TMEM132E: variants seen among roughly 807,000 people sequenced by gnomAD.
The protein encoded by TMEM132E is transmembrane protein 132E.
In TMEM132E, 49 loss-of-function variants were observed where a neutral mutation model predicts 78.5. The observed-to-expected ratio is 0.62, with a 90% CI of 0.50 to 0.79. TMEM132E has a LOEUF of 0.79. Among genes scored for constraint, TMEM132E ranks in the 30% least tolerant of loss-of-function variants. The pLI is 0.00. For missense variants in TMEM132E, 1,403 were observed against 1,470.9 expected (o/e 0.95, Z 0.75); for synonymous variants, 715 against 670.6 (o/e 1.07, Z -1.02).
intron 1 of TMEM132E, among the ~76,000 whole-genome samples, chr17:34,591,998 GGT>G (rs1905885985): frequency 1.3e-5 from 2 of 152,174 alleles, no homozygotes; most frequent in Non-Finnish European, 2.9e-5. Flanking sequence ...TCGGTAAACT[GGT>G]GTCTTTCCAT....
intron 1 of TMEM132E, among the ~76,000 whole-genome samples, chr17:34,608,847 G>T (rs749367780): frequency 1.3e-5 from 2 of 152,136 alleles, no homozygotes; most frequent in South Asian, 4.1e-4. Context: ...ATGTCCAGCC[G>T]AATACCCCGT....
At chr17:34,627,394 A>G (rs1907187390) in intron 2 of TMEM132E, among the ~76,000 whole-genome samples, 1 of 151,968 alleles carries the variant, frequency 6.6e-6, no homozygotes, top group African/African-American at 2.4e-5. Context: ...GACATTTTAC[A>G]GACAAGGAGA....
At chr17:34,586,480 G>GAC (rs1905685845) in intron 1 of TMEM132E, among the ~76,000 whole-genome samples, 1 of 151,934 alleles carries the variant, frequency 6.6e-6, no homozygotes, top group African/African-American at 2.4e-5. Flanking sequence ...GTCTCTGGGG[G>GAC]ACAAATGCAC....
intron 1 of TMEM132E, among the ~76,000 whole-genome samples, chr17:34,608,735 A>T (rs73284059): frequency 0.039 from 5,971 of 152,270 alleles, 357 homozygotes; most frequent in African/African-American, 0.13. Context: ...TTCAAACCAC[A>T]TAAGACCTCT....
Position 34,623,370 on chromosome 17 carries a change from G to T in TMEM132E, c.68-2757G>T, listed in dbSNP as rs1431754601. Among the ~76,000 whole-genome samples the T allele has an allele frequency of 2.7e-5, 4 of 150,780 alleles. No individual in the cohort carries two copies. In the South Asian group the frequency reaches 8.4e-4, roughly 32 times the overall value. On this transcript the variant is annotated intron_variant, in intron 1 of 8. Transcript: ENST00000631683. ...CTTAGCAGCTCTGGGGTCTCCAGGG[G>T]ATGGATAACTAAGGCAGGGCTAGTA...
At chr17:34,607,299 G>A (rs550811666) in intron 1 of TMEM132E, among the ~76,000 whole-genome samples, 1 of 152,208 alleles carries the variant, frequency 6.6e-6, no homozygotes, top group Admixed American at 6.5e-5. Context: ...CAGACCACAG[G>A]GGAGACAGAC....
At chr17:34,592,250 G>T (rs79126498) in intron 1 of TMEM132E, among the ~76,000 whole-genome samples, 2,355 of 152,242 alleles carry the variant, frequency 0.015, 39 homozygotes, top group Middle Eastern at 0.061. Context: ...CACAGGCATT[G>T]CCCCATGTTC....
At chr17:34,585,888 A>G (rs1905655782) in intron 1 of TMEM132E, among the ~76,000 whole-genome samples, 1 of 152,214 alleles carries the variant, frequency 6.6e-6, no homozygotes, top group Admixed American at 6.5e-5. Flanking sequence ...CTTGAAATTC[A>G]AAGCAGTTTG....
At chr17:34,586,112 G>A (rs766566070) in intron 1 of TMEM132E, among the ~76,000 whole-genome samples, 11 of 151,834 alleles carry the variant, frequency 7.2e-5, no homozygotes, top group African/African-American at 2.7e-4. Flanking sequence ...TTCTCTGTCA[G>A]AGCACACGCC....
Position 34,580,973 on chromosome 17 carries a change from C to G in TMEM132E, c.-104C>G. On this transcript the variant is annotated 5_prime_UTR_variant, in exon 1 of 9. Coordinates refer to ENST00000631683, the MANE Select transcript of TMEM132E (RefSeq NM_001304438.2). ...GGTCCCGGAGCTGCATCTGAGACAG[C>G]CGGGCGCCACGGCAGCCCTGAGTTG... 5.5e-6 allele frequency: 5 copies of G among 900,918 alleles called. No individual in the cohort carries two copies. Among genetic ancestry groups the G allele is most frequent in the Non-Finnish European group, 8.0e-6 (5 of 621,364 alleles). 55.8% of individuals were successfully genotyped at this position (900,918 alleles called of 1,614,324 possible). A position where few individuals can be genotyped will look rare whatever the true frequency, so the allele number is the denominator to read the frequency against.
intron 3 of TMEM132E, 95 bp from the exon 4 acceptor site, chr17:34,628,917 C>T (rs1204080470): frequency 2.2e-5 from 31 of 1,441,632 alleles, no homozygotes; most frequent in East Asian, 4.7e-5. Flanking sequence ...AGGCAGCTGC[C>T]GGGGAGGGGT....
At chr17:34,581,799 C>G (rs1299712194) in intron 1 of TMEM132E, among the ~76,000 whole-genome samples, 1 of 150,700 alleles carries the variant, frequency 6.6e-6, no homozygotes, top group African/African-American at 2.4e-5. Context: ...GCTCCGCGCT[C>G]TCGCATTCTG....
rs1434741448 is a variant in TMEM132E, at chr17:34,627,010, C to A, written c.951C>A (p.Pro317=). The A allele has an allele frequency of 6.2e-7, 1 of 1,613,810 alleles. No individual in the cohort carries two copies. Among genetic ancestry groups the A allele is most frequent in the Non-Finnish European group, 8.5e-7 (1 of 1,180,004 alleles). Residue 317 remains proline (P), a synonymous_variant, in exon 2 of 9, where the codon CCC becomes CCA. Transcript: ENST00000631683. ...EVLSILLYLA[P]NSSSPSSPSV... is the part of the protein sequence containing the mutation. ...TCAGCATCCTCCTCTATCTGGCCCCCAACTCCTCCTCGCCCTCCAGCCCCA... is the reference window on the plus strand; with the variant it reads ...TCAGCATCCTCCTCTATCTGGCCCCAAACTCCTCCTCGCCCTCCAGCCCCA...
intron 1 of TMEM132E, among the ~76,000 whole-genome samples, chr17:34,596,733 A>G (rs1906071396): frequency 6.6e-6 from 1 of 151,568 alleles, no homozygotes. Flanking sequence ...ATTTTCCTCC[A>G]CATCTCTGCA....
intron 1 of TMEM132E, among the ~76,000 whole-genome samples, chr17:34,594,230 A>G (rs906458196): frequency 2.0e-5 from 3 of 152,228 alleles, no homozygotes; most frequent in African/African-American, 4.8e-5. Context: ...GAGATGCTCA[A>G]TAATGATCTG....
intron 1 of TMEM132E, among the ~76,000 whole-genome samples, chr17:34,613,688 T>G (rs988177670): frequency 1.3e-5 from 2 of 151,932 alleles, no homozygotes; most frequent in African/African-American, 2.4e-5. Flanking sequence ...CTCCCTAGCT[T>G]CTGCACCCTT....
rs112821915 is a variant in TMEM132E, at chr17:34,593,058, G to A, written c.67+11915G>A. Among the ~76,000 whole-genome samples, 521 of 152,262 alleles carry A rather than the reference G, an allele frequency of 3.4e-3. 2 individuals carry two copies. The highest frequency in any genetic ancestry group is 0.012 in the African/African-American group (489 of 41,560). On this transcript the variant is annotated intron_variant, in intron 1 of 8. Transcript: ENST00000631683. ...TGAGAAAAAGTGAAAAGAAACAGGT[G>A]GAATTAATTTTAATAGTATGTTTTA...
In TMEM132E at chr17:34,629,921, G is replaced by GA. The variant is rs1389261835; in HGVS notation, c.1339-87_1339-86insA. On this transcript the variant is annotated intron_variant, in intron 4 of 8. Transcript: ENST00000631683. Reference sequence around the variant, plus strand: ...GGATGTGCATCTGAGGAGTGGGGGGGGAGCGTCCAGGAGCTGGGGCCTTGG... The same window carrying GA: ...GGATGTGCATCTGAGGAGTGGGGGGGAGAGCGTCCAGGAGCTGGGGCCTTGG... 5.6e-6 allele frequency: 8 copies of GA among 1,419,488 alleles called. No homozygotes were observed. In the East Asian group the frequency reaches 2.0e-4, roughly 35 times the overall value. 87.9% of individuals were successfully genotyped at this position (1,419,488 alleles called of 1,614,324 possible). A position where few individuals can be genotyped will look rare whatever the true frequency, so the allele number is the denominator to read the frequency against.
At chr17:34,620,460 C>T (rs575440295) in intron 1 of TMEM132E, among the ~76,000 whole-genome samples, 16 of 152,384 alleles carry the variant, frequency 1.0e-4, no homozygotes, top group East Asian at 3.9e-4. Flanking sequence ...CCTTGTACTA[C>T]GCAAAGCTGG....
Sources: allele counts gnomAD v4.1 joint callset (sites outside exome capture counted in the v4.1 genomes callset), GRCh38; gene constraint gnomAD v4.1.1; transcripts MANE v1.5; gene names NCBI Gene and HGNC (gene_info 2026-07-23, HGNC 2026-07-21).